Variants in NBAS observed in about 807,000 individuals in gnomAD.
The protein encoded by NBAS is NAG/BC035112 fusion.
In NBAS, 219 loss-of-function variants were observed where a neutral mutation model predicts 302.5. The observed-to-expected ratio is 0.72, with a 90% CI of 0.65 to 0.81. The LOEUF is 0.81. Ranked by LOEUF, NBAS falls within the 30% of genes least tolerant of loss-of-function variation. The pLI, the probability that NBAS is intolerant of heterozygous loss-of-function variation, is 0.00. For synonymous variants in NBAS, 1,118 were observed against 1,021.6 expected (o/e 1.09, Z -1.80); for missense variants, 2,932 against 2,841.6 (o/e 1.03, Z -0.72).
At chr2:15,274,345 T>C (rs1174962000) in intron 44 of NBAS, among the ~76,000 whole-genome samples, 1 of 152,164 alleles carries the variant, frequency 6.6e-6, no homozygotes, top group East Asian at 1.9e-4. Flanking sequence ...ATTTCCAGGA[T>C]AATACTAACT....
At chr2:14,994,773 T>A in the NBAS span, among the ~76,000 whole-genome samples, 6 of 152,230 alleles carry the variant, frequency 3.9e-5, no homozygotes, top group African/African-American at 1.2e-4. Flanking sequence ...AACAAGGCTG[T>A]CTTCCTCATT....
chr2:14,964,676 T>C, the NBAS span, among the ~76,000 whole-genome samples: 1 of 152,278 alleles, frequency 6.6e-6, no homozygotes, highest in African/African-American at 2.4e-5. Flanking sequence ...AGAATATAGA[T>C]GGCTTGAAAA....
At chr2:15,361,291 T>TC (rs1387824293) in intron 32 of NBAS, among the ~76,000 whole-genome samples, 12 of 152,192 alleles carry the variant, frequency 7.9e-5, no homozygotes, top group African/African-American at 2.9e-4. Flanking sequence ...GGTGGGTGGA[T>TC]CACTTGAGGT....
intron 44 of NBAS, among the ~76,000 whole-genome samples, chr2:15,244,617 T>A (rs1668007320): frequency 6.6e-6 from 1 of 151,830 alleles, no homozygotes. Context: ...TCGGGGTGGG[T>A]GTGGGGGAAA....
chr2:15,332,702 T>C (rs1346095633), intron 35 of NBAS, among the ~76,000 whole-genome samples: 1 of 152,168 alleles, frequency 6.6e-6, no homozygotes, highest in Non-Finnish European at 1.5e-5. Context: ...AAAGCCTGTA[T>C]ACTATCAGGG....
At chr2:14,886,010 G>A in the NBAS span, among the ~76,000 whole-genome samples, 2 of 152,194 alleles carry the variant, frequency 1.3e-5, no homozygotes, top group East Asian at 3.9e-4. Flanking sequence ...ATGTAGAAAA[G>A]CAAGAAATGG....
chr2:15,514,884 A>G (rs1246633283), intron 9 of NBAS, among the ~76,000 whole-genome samples: 2 of 152,166 alleles, frequency 1.3e-5, no homozygotes, highest in African/African-American at 4.8e-5. Context: ...ACAAAAGGTT[A>G]AGATCCCCTA....
intron 1 of NBAS, 110 bp from the exon 2 acceptor site, chr2:15,558,744 G>C: frequency 1.2e-6 from 1 of 861,054 alleles, no homozygotes; most frequent in Admixed American, 2.0e-5. Context: ...TCAGAGTTTT[G>C]GGCACAGGGA....
chr2:15,309,900 T>C (rs1287848046), intron 38 of NBAS, among the ~76,000 whole-genome samples: 2 of 152,216 alleles, frequency 1.3e-5, no homozygotes, highest in Non-Finnish European at 2.9e-5. Context: ...TCTGTGTTTG[T>C]ACACAGCTTG....
At chr2:15,046,241 T>C in the NBAS span, among the ~76,000 whole-genome samples, 1 of 152,230 alleles carries the variant, frequency 6.6e-6, no homozygotes. Flanking sequence ...GAAGCTGGAT[T>C]CAGTATGTTT....
chr2:15,118,789 G>C, the NBAS span, among the ~76,000 whole-genome samples: 1 of 152,138 alleles, frequency 6.6e-6, no homozygotes, highest in Admixed American at 6.5e-5. Context: ...TGTCACATGG[G>C]ACAGAGATGA....
chr2:15,115,337 TAC>T, the NBAS span, among the ~76,000 whole-genome samples: 4 of 152,212 alleles, frequency 2.6e-5, no homozygotes, highest in Admixed American at 2.0e-4. Context: ...GACGCTGACA[TAC>T]ACAGTTATTG....
the NBAS span, among the ~76,000 whole-genome samples, chr2:15,015,197 G>A: frequency 2.2e-4 from 32 of 148,248 alleles, no homozygotes; most frequent in African/African-American, 7.4e-4. Flanking sequence ...CCTGAATTCT[G>A]CCAATAACTT....
At chr2:15,433,451 T>C in intron 21 of NBAS, among the ~76,000 whole-genome samples, 1 of 152,222 alleles carries the variant, frequency 6.6e-6, no homozygotes, top group East Asian at 1.9e-4. Flanking sequence ...AAGATATATA[T>C]GACTCTGGTT....
intron 32 of NBAS, among the ~76,000 whole-genome samples, chr2:15,364,361 G>A (rs1674091217): frequency 2.0e-5 from 3 of 151,990 alleles, no homozygotes; most frequent in Admixed American, 6.6e-5. Flanking sequence ...GGGAAACCCC[G>A]TTTCTACTAA....
chr2:14,808,447 C>T, the NBAS span, among the ~76,000 whole-genome samples: 391 of 152,176 alleles, frequency 2.6e-3, no homozygotes, highest in African/African-American at 8.3e-3. Flanking sequence ...ATCCTGGGGG[C>T]GGGTATTTCC....
At chr2:15,468,567 A>C in intron 16 of NBAS, 34 bp from the exon 17 acceptor site, 1 of 1,606,470 alleles carries the variant, frequency 6.2e-7, no homozygotes, top group Non-Finnish European at 8.5e-7. Context: ...GGAATTACAG[A>C]ATCCATGACA....
At chr2:15,264,573 C>T (rs1014540930) in intron 44 of NBAS, among the ~76,000 whole-genome samples, 7 of 152,184 alleles carry the variant, frequency 4.6e-5, no homozygotes, top group Non-Finnish European at 8.8e-5. Flanking sequence ...ACAATCACCC[C>T]GGATGGGCTT....
the NBAS span, among the ~76,000 whole-genome samples, chr2:15,100,418 C>T: frequency 4.3e-3 from 647 of 152,154 alleles, 3 homozygotes; most frequent in Admixed American, 7.3e-3. Context: ...ACATAAGCTG[C>T]GGGTGCACAT....
Sources: gnomAD v4.1 joint callset for allele counts (sites outside exome capture counted in the v4.1 genomes callset) on GRCh38, gnomAD v4.1.1 for gene constraint, MANE v1.5 for transcripts, NCBI Gene and HGNC (gene_info 2026-07-23, HGNC 2026-07-21) for gene names.